The following GRID2 variants were observed in gnomAD, a reference collection of about 807,000 sequenced individuals.
GRID2 encodes the protein glutamate ionotropic receptor delta type subunit 2.
In GRID2, 33 loss-of-function variants were observed where a neutral mutation model predicts 114.8. The ratio of observed to expected loss-of-function variants is 0.29; its 90% CI spans 0.22 to 0.38. The LOEUF (loss-of-function observed/expected upper bound fraction) is 0.38. Ranked by LOEUF, GRID2 falls within the 10% of genes least tolerant of loss-of-function variation. The pLI is 1.00. For missense variants in GRID2, 1,184 were observed against 1,257.7 expected (o/e 0.94, Z 0.89); for synonymous variants, 505 against 449.9 (o/e 1.12, Z -1.55).
At chr4:93,187,894 T>C (rs1474134484) in intron 4 of GRID2, among the ~76,000 whole-genome samples, 1 of 152,222 alleles carries the variant, frequency 6.6e-6, no homozygotes, top group East Asian at 1.9e-4. Flanking sequence ...CTTGAGTAGA[T>C]ATCCTGCCTT....
chr4:93,083,761 C>A (rs964939219), intron 2 of GRID2, among the ~76,000 whole-genome samples: 1 of 150,084 alleles, frequency 6.7e-6, no homozygotes, highest in Non-Finnish European at 1.5e-5. Flanking sequence ...TCAGTATAAT[C>A]TCTTTCATGA....
At position 92,439,316 on chromosome 4, in the gene GRID2, G is replaced by A. The variant is rs192736142; in HGVS notation, c.88+134572G>A. On this transcript the variant is annotated intron_variant, in intron 1 of 15. Coordinates refer to ENST00000282020, the MANE Select transcript of GRID2 (RefSeq NM_001510.4). Reference sequence around the variant, plus strand: ...GGGGCAGGGCATATTCACTTCTTTTGTGATTCTTCAGTTACTTCAGGCCAT... The same window carrying A: ...GGGGCAGGGCATATTCACTTCTTTTATGATTCTTCAGTTACTTCAGGCCAT... Among the ~76,000 whole-genome samples, 963 of 152,256 alleles carry A rather than the reference G, an allele frequency of 6.3e-3. 8 individuals carry two copies. The highest frequency in any genetic ancestry group is 0.022 in the African/African-American group (904 of 41,532).
intron 1 of GRID2, among the ~76,000 whole-genome samples, chr4:92,510,548 A>G (rs1201166599): frequency 1.3e-5 from 2 of 151,812 alleles, no homozygotes; most frequent in Non-Finnish European, 2.9e-5. Flanking sequence ...GGGAAGTTCA[A>G]AGTTAAGAAA....
At chr4:92,719,638 T>G (rs1031298175) in intron 2 of GRID2, among the ~76,000 whole-genome samples, 1 of 152,080 alleles carries the variant, frequency 6.6e-6, no homozygotes, top group Non-Finnish European at 1.5e-5. Flanking sequence ...TGAACTTGCA[T>G]GAGCCAGAGG....
At chr4:93,047,687 G>A (rs1316669664) in intron 2 of GRID2, among the ~76,000 whole-genome samples, 1 of 151,928 alleles carries the variant, frequency 6.6e-6, no homozygotes, top group Non-Finnish European at 1.5e-5. Flanking sequence ...AACAACATTA[G>A]TCCAGTGTTC....
chr4:92,663,033 A>T (rs1732594279), intron 2 of GRID2, among the ~76,000 whole-genome samples: 1 of 150,964 alleles, frequency 6.6e-6, no homozygotes, highest in Non-Finnish European at 1.5e-5. Flanking sequence ...TATCAGTCAA[A>T]CACACTGAGA....
In GRID2 at chr4:93,515,220, C is replaced by G; in HGVS notation, c.2002C>G (p.Leu668Val). The change falls in exon 13 of 16, where the codon CTC (leucine) becomes GTC (valine). Residue 668 changes from leucine (L) to valine (V), a missense_variant. Physicochemically the swap from Leu to Val is conservative, Grantham distance 32. This residue lies in a region of GRID2 where 717 missense variants were observed against 796.9 expected (regional missense o/e 0.90). Coordinates refer to ENST00000282020, the MANE Select transcript of GRID2 (RefSeq NM_001510.4). ...TCTTCTCTCCCAATAATCAAGGTCT[C>G]TCCAGGACCTTTCCAAGCAAACAGA... Reference protein sequence around the residue: ...ITRIESSIQSLQDLSKQTEIP... With the variant: ...ITRIESSIQSVQDLSKQTEIP... 6.4e-7 allele frequency: 1 copy of G among 1,560,282 alleles called. No homozygotes were observed. The highest frequency in any genetic ancestry group is 2.3e-5 in the East Asian group (1 of 43,386).
intron 1 of GRID2, among the ~76,000 whole-genome samples, chr4:92,407,195 C>T (rs1291892409): frequency 1.3e-5 from 2 of 152,208 alleles, no homozygotes; most frequent in Middle Eastern, 3.4e-3. Flanking sequence ...ATCCGAACAC[C>T]TCCCACCAGG....
At chr4:93,184,925 G>T (rs941066004) in intron 4 of GRID2, among the ~76,000 whole-genome samples, 2 of 152,084 alleles carry the variant, frequency 1.3e-5, no homozygotes, top group Admixed American at 6.6e-5. Context: ...ACTCTCCCAG[G>T]TACTTATTTG....
intron 1 of GRID2, among the ~76,000 whole-genome samples, chr4:92,543,281 T>A (rs575427999): frequency 6.6e-6 from 1 of 152,192 alleles, no homozygotes; most frequent in East Asian, 1.9e-4. Flanking sequence ...TTGCCCAAGG[T>A]CACACTGCTA....
At chr4:93,168,318 T>G (rs1738460433) in intron 4 of GRID2, among the ~76,000 whole-genome samples, 2 of 152,020 alleles carry the variant, frequency 1.3e-5, no homozygotes, top group African/African-American at 2.4e-5. Flanking sequence ...AGACTTTTGT[T>G]AATATTTCAA....
chr4:92,653,365 G>T (rs572237336), intron 2 of GRID2, among the ~76,000 whole-genome samples: 16 of 150,844 alleles, frequency 1.1e-4, no homozygotes, highest in Middle Eastern at 3.4e-3. Flanking sequence ...GTTTGTAATT[G>T]TTTTCAGGAG....
At chr4:93,592,272 G>C (rs541866408) in intron 13 of GRID2, among the ~76,000 whole-genome samples, 5 of 152,090 alleles carry the variant, frequency 3.3e-5, no homozygotes, top group African/African-American at 1.2e-4. Context: ...GTTCTCGTTG[G>C]TTTCAAAGAA....
intron 2 of GRID2, among the ~76,000 whole-genome samples, chr4:92,805,046 T>C (rs1318736082): frequency 6.6e-6 from 1 of 152,024 alleles, no homozygotes; most frequent in Non-Finnish European, 1.5e-5. Context: ...GCTTTGCAAG[T>C]ATTAACTAAT....
rs114894938 is a variant in GRID2, at chr4:93,427,852, A to C, written c.1545+4884A>C. ...TGTTCTTAAAATTTATGAAAACACA[A>C]ATCTGGCCAAAAGATATGAAACAGA... On this transcript the variant is annotated intron_variant, in intron 10 of 15. Coordinates refer to ENST00000282020, the MANE Select transcript of GRID2 (RefSeq NM_001510.4). Among the ~76,000 whole-genome samples, 920 of 152,184 alleles carry C rather than the reference A, an allele frequency of 6.0e-3. 7 individuals are homozygous for C. The highest frequency in any genetic ancestry group is 0.021 in the African/African-American group (869 of 41,562).
intron 1 of GRID2, among the ~76,000 whole-genome samples, chr4:92,311,551 A>G (rs935972130): frequency 4.6e-5 from 7 of 152,278 alleles, no homozygotes; most frequent in African/African-American, 1.7e-4. Flanking sequence ...TTATATTACA[A>G]TAGCAATTTG....
chr4:93,514,950 A>G (rs910672996), intron 12 of GRID2, among the ~76,000 whole-genome samples: 1 of 152,180 alleles, frequency 6.6e-6, no homozygotes, highest in African/African-American at 2.4e-5. Context: ...ATGAAGCTTC[A>G]CAAAGAAAGC....
At chr4:92,569,421 T>G (rs182263568) in intron 1 of GRID2, among the ~76,000 whole-genome samples, 6 of 152,222 alleles carry the variant, frequency 3.9e-5, no homozygotes, top group Admixed American at 3.9e-4. Flanking sequence ...TGAATAGTGC[T>G]GTAATAAACA....
chr4:93,568,345 G>A (rs1735629380), intron 13 of GRID2, among the ~76,000 whole-genome samples: 1 of 152,256 alleles, frequency 6.6e-6, no homozygotes, highest in African/African-American at 2.4e-5. Flanking sequence ...CAAAGTGGTT[G>A]GTAATCCCCT....
Sources: allele counts gnomAD v4.1 joint callset (sites outside exome capture counted in the v4.1 genomes callset), GRCh38; gene constraint gnomAD v4.1.1; regional missense constraint gnomAD v4.1.1; transcripts MANE v1.5; gene names NCBI Gene and HGNC (gene_info 2026-07-23, HGNC 2026-07-21).